GALNTL6: variants seen among roughly 807,000 people sequenced by gnomAD.
The protein encoded by GALNTL6 is polypeptide N-acetylgalactosaminyltransferase-like 6.
GALNTL6 carries 46 observed loss-of-function variants against 73.7 expected under a neutral mutation model. The ratio of observed to expected loss-of-function variants is 0.62; its 90% CI spans 0.49 to 0.80. GALNTL6 has a LOEUF of 0.80. Among genes scored for constraint, GALNTL6 ranks in the 30% least tolerant of loss-of-function variants. GALNTL6 has a pLI of 0.00. For missense variants in GALNTL6, 604 were observed against 755.0 expected, an observed-to-expected ratio of 0.80 and a Z score of 2.34; for synonymous variants, 259 against 263.7, an observed-to-expected ratio of 0.98 and a Z score of 0.17.
At chr4:172,246,896 G>A (rs1341302496) in intron 3 of GALNTL6, among the ~76,000 whole-genome samples, 2 of 151,192 alleles carry the variant, frequency 1.3e-5, no homozygotes, top group Admixed American at 6.6e-5. Context: ...ACTTTAATGA[G>A]TTCTGGGGTA....
intron 11 of GALNTL6, among the ~76,000 whole-genome samples, chr4:173,017,945 T>C (rs966261149): frequency 2.6e-5 from 4 of 152,218 alleles, no homozygotes; most frequent in African/African-American, 9.6e-5. Context: ...GGGAGGACTT[T>C]TGAGGTGTGA....
At chr4:172,537,474 G>A (rs1180162931) in intron 5 of GALNTL6, among the ~76,000 whole-genome samples, 1 of 152,182 alleles carries the variant, frequency 6.6e-6, no homozygotes, top group Non-Finnish European at 1.5e-5. Flanking sequence ...GGTAACATGT[G>A]CCTTTGCTCC....
At chr4:172,033,204 T>A (rs894512361) in intron 2 of GALNTL6, among the ~76,000 whole-genome samples, 9 of 151,790 alleles carry the variant, frequency 5.9e-5, no homozygotes, top group African/African-American at 2.2e-4. Context: ...ATCAGACAAC[T>A]CTGATTTTTG....
At chr4:172,626,253 A>C (rs1007422943) in intron 5 of GALNTL6, among the ~76,000 whole-genome samples, 10 of 152,252 alleles carry the variant, frequency 6.6e-5, no homozygotes, top group Admixed American at 1.3e-4. Context: ...CAGCTATCCC[A>C]GCAACATATA....
chr4:172,576,818 C>T (rs1293202381), intron 5 of GALNTL6, among the ~76,000 whole-genome samples: 1 of 152,122 alleles, frequency 6.6e-6, no homozygotes, highest in Non-Finnish European at 1.5e-5. Flanking sequence ...GGGTGACCAA[C>T]AACACAACAA....
chr4:172,656,227 C>T (rs1344071125), intron 5 of GALNTL6, among the ~76,000 whole-genome samples: 1 of 152,126 alleles, frequency 6.6e-6, no homozygotes, highest in African/African-American at 2.4e-5. Context: ...TGATTGGATC[C>T]TGGACACTGC....
intron 5 of GALNTL6, among the ~76,000 whole-genome samples, chr4:172,393,857 A>C (rs1743753764): frequency 6.6e-6 from 1 of 152,136 alleles, no homozygotes; most frequent in African/African-American, 2.4e-5. Context: ...AATGGTGTCG[A>C]TTTTATTTTA....
intron 5 of GALNTL6, among the ~76,000 whole-genome samples, chr4:172,519,522 T>A (rs888546924): frequency 2.0e-5 from 3 of 150,420 alleles, no homozygotes; most frequent in African/African-American, 4.9e-5. Flanking sequence ...TTTTTTTTTT[T>A]AATTTACTTT....
chr4:172,693,385 A>C (rs1733438853), intron 5 of GALNTL6, among the ~76,000 whole-genome samples: 1 of 152,196 alleles, frequency 6.6e-6, no homozygotes, highest in African/African-American at 2.4e-5. Context: ...CCATTGCCCC[A>C]GCCACTGGCT....
In GALNTL6 at chr4:172,918,323, A is replaced by T. The variant is rs145604589; in HGVS notation, c.1042-12838A>T. ...AATGGGTGCAGCACATGAACACGGC[A>T]CATGTATACATATGTAACAAACTTC... On this transcript the variant is annotated intron_variant, in intron 8 of 12. Transcript: ENST00000506823. Among the ~76,000 whole-genome samples the T allele has an allele frequency of 5.9e-3, 893 of 152,304 alleles. 4 individuals are homozygous for T. The highest frequency in any genetic ancestry group is 0.018 in the African/African-American group (758 of 41,554).
chr4:172,675,358 G>T (rs1732226348), intron 5 of GALNTL6, among the ~76,000 whole-genome samples: 1 of 152,236 alleles, frequency 6.6e-6, no homozygotes, highest in Admixed American at 6.5e-5. Flanking sequence ...GAAGGCCAAG[G>T]TGCAGCAACT....
intron 10 of GALNTL6, among the ~76,000 whole-genome samples, chr4:172,966,411 T>C (rs1750328171): frequency 6.6e-6 from 1 of 152,052 alleles, no homozygotes; most frequent in Non-Finnish European, 1.5e-5. Context: ...TTTTTTTTTT[T>C]TGAGATGGAG....
chr4:172,923,728 A>G (rs1747906685), intron 8 of GALNTL6, among the ~76,000 whole-genome samples: 1 of 152,130 alleles, frequency 6.6e-6, no homozygotes, highest in Admixed American at 6.5e-5. Context: ...AAATGGATTT[A>G]CGGTTCCACA....
chr4:172,380,105 T>A, intron 5 of GALNTL6: 5 of 985,998 alleles, frequency 5.1e-6, no homozygotes, highest in Non-Finnish European at 8.2e-6. Flanking sequence ...GTGTTTCCAC[T>A]GCTCCTCTGC....
chr4:172,569,838 G>A (rs1041157478), intron 5 of GALNTL6, among the ~76,000 whole-genome samples: 4 of 152,174 alleles, frequency 2.6e-5, no homozygotes, highest in Non-Finnish European at 5.9e-5. Context: ...TCAGCACACT[G>A]GGAGCCGAGG....
intron 3 of GALNTL6, among the ~76,000 whole-genome samples, chr4:172,240,413 A>G (rs1215897931): frequency 6.7e-6 from 1 of 149,854 alleles, no homozygotes; most frequent in East Asian, 2.0e-4. Context: ...TGTATTTTTT[A>G]GTAGAGATGG....
At position 172,146,982 on chromosome 4, in the gene GALNTL6, A is replaced by C. The variant is rs140228456; in HGVS notation, c.139-82674A>C. ...AAAAATTAAGTATGTATTTTTAGGC[A>C]CCGGGATTGTTGAAGTAGACTGTCA... On this transcript the variant is annotated intron_variant, in intron 2 of 12. Transcript: ENST00000506823. Among the ~76,000 whole-genome samples, 39 of 152,308 alleles carry C rather than the reference A, an allele frequency of 2.6e-4. No homozygotes were observed. In the East Asian group the frequency reaches 7.3e-3, roughly 29 times the overall value.
intron 5 of GALNTL6, among the ~76,000 whole-genome samples, chr4:172,586,038 C>G (rs1279471961): frequency 2.0e-5 from 3 of 152,292 alleles, no homozygotes; most frequent in South Asian, 2.1e-4. Context: ...TGGAGAAACA[C>G]TAACACTTTT....
chr4:172,792,167 G>A (rs1413874604), intron 5 of GALNTL6, among the ~76,000 whole-genome samples: 2 of 152,108 alleles, frequency 1.3e-5, no homozygotes, highest in Non-Finnish European at 2.9e-5. Context: ...AAACCATGAC[G>A]TGAAAATAGA....
Sources: gnomAD v4.1 joint callset for allele counts (sites outside exome capture counted in the v4.1 genomes callset) on GRCh38, gnomAD v4.1.1 for gene constraint, MANE v1.5 for transcripts, NCBI Gene and HGNC (gene_info 2026-07-23, HGNC 2026-07-21) for gene names.